SMG6: variants seen among roughly 807,000 people sequenced by gnomAD.
The protein encoded by SMG6 is telomerase-binding protein EST1A.
Under a neutral mutation model 142.2 loss-of-function variants are expected in SMG6, and 66 were observed. The ratio of observed to expected loss-of-function variants is 0.46; its 90% CI spans 0.38 to 0.57. The LOEUF (loss-of-function observed/expected upper bound fraction) is 0.57. Among genes scored for constraint, SMG6 ranks in the 20% least tolerant of loss-of-function variants. The pLI is 0.00. For synonymous variants in SMG6, 779 were observed against 702.4 expected, an observed-to-expected ratio of 1.11 and a Z score of -1.72; for missense variants, 1,793 against 1,832.0, an observed-to-expected ratio of 0.98 and a Z score of 0.39.
chr17:2,254,890 C>T (rs1440352236), intron 8 of SMG6, among the ~76,000 whole-genome samples: 4 of 152,152 alleles, frequency 2.6e-5, no homozygotes, highest in Non-Finnish European at 4.4e-5. Context: ...CCAGAGATAT[C>T]CTCTCAGAGG....
chr17:2,236,840 G>A (rs2073675125), intron 9 of SMG6: 3 of 1,286,076 alleles, frequency 2.3e-6, no homozygotes, highest in South Asian at 2.7e-5. Flanking sequence ...AGATAAAGGA[G>A]TTTTCAGGGT....
At chr17:2,099,099 A>G (rs1344823447) in intron 13 of SMG6, among the ~76,000 whole-genome samples, 1 of 152,156 alleles carries the variant, frequency 6.6e-6, no homozygotes, top group Non-Finnish European at 1.5e-5. Context: ...AACATGCACT[A>G]TGGATACCTG....
chr17:2,251,166 C>T (rs1318402363), intron 8 of SMG6, among the ~76,000 whole-genome samples: 3 of 147,526 alleles, frequency 2.0e-5, no homozygotes, highest in Admixed American at 6.8e-5. Flanking sequence ...GGGCCTGGTA[C>T]AAAAAATGTG....
chr17:2,100,936 G>A (rs1426868018), intron 13 of SMG6, among the ~76,000 whole-genome samples: 6 of 152,104 alleles, frequency 3.9e-5, no homozygotes, highest in Admixed American at 3.9e-4. Context: ...ACAGGTGTGG[G>A]CCACAGCACC....
chr17:2,287,328 A>C (rs1231715086), intron 6 of SMG6, among the ~76,000 whole-genome samples: 1 of 152,212 alleles, frequency 6.6e-6, no homozygotes, highest in Admixed American at 6.5e-5. Flanking sequence ...GGGAAACATA[A>C]ATTAAAACCA....
rs142278642 is a variant in SMG6 at position 2,172,478 on chromosome 17, G to C, written c.3357+180C>G. Among the ~76,000 whole-genome samples the C allele has an allele frequency of 1.8e-4, 27 of 151,926 alleles. No individual in the cohort carries two copies. In the East Asian group the frequency reaches 4.6e-3, roughly 26 times the overall value. On this transcript the variant is annotated intron_variant, in intron 13 of 18. Transcript: ENST00000263073. Reference sequence around the variant, plus strand: ...ACACACACCAAAGGAAGTCGAGAGGGCTTTTTTTTTTCAGGACACAGAGCT... The same window carrying C: ...ACACACACCAAAGGAAGTCGAGAGGCCTTTTTTTTTTCAGGACACAGAGCT...
intron 4 of SMG6, among the ~76,000 whole-genome samples, chr17:2,296,407 G>A (rs1223241126): frequency 2.0e-5 from 3 of 152,112 alleles, no homozygotes; most frequent in Admixed American, 6.6e-5. Context: ...ACCAGGCTAC[G>A]TTAGATTCAC....
intron 10 of SMG6, among the ~76,000 whole-genome samples, chr17:2,203,220 T>C (rs1339635886): frequency 6.6e-6 from 1 of 152,214 alleles, no homozygotes; most frequent in African/African-American, 2.4e-5. Flanking sequence ...CATTTCCACC[T>C]TAGTTGTGTC....
At chr17:2,250,353 T>G (rs1201171305) in intron 8 of SMG6, among the ~76,000 whole-genome samples, 1 of 152,188 alleles carries the variant, frequency 6.6e-6, no homozygotes, top group South Asian at 2.1e-4. Flanking sequence ...TAAATTATTA[T>G]TCTCTTATCT....
chr17:2,072,742 T>G (rs1437334166), intron 15 of SMG6: 1 of 152,198 alleles, frequency 6.6e-6, no homozygotes, highest in African/African-American at 2.4e-5. Flanking sequence ...GTCTTCCTTC[T>G]GCTTAGGGGC....
At chr17:2,286,326 CG>C (rs1468832985) in intron 6 of SMG6, among the ~76,000 whole-genome samples, 2 of 116,110 alleles carry the variant, frequency 1.7e-5, no homozygotes, top group Non-Finnish European at 3.6e-5. Context: ...AAAAAAAAAA[CG>C]AAGTTAGGGG....
intron 13 of SMG6, among the ~76,000 whole-genome samples, chr17:2,121,520 A>G (rs2069688050): frequency 6.7e-6 from 1 of 150,094 alleles, no homozygotes; most frequent in South Asian, 2.1e-4. Flanking sequence ...ATAAGGGATT[A>G]TAATATAATT....
At chr17:2,223,571 C>T (rs954892095) in intron 10 of SMG6, among the ~76,000 whole-genome samples, 1 of 152,184 alleles carries the variant, frequency 6.6e-6, no homozygotes, top group South Asian at 2.1e-4. Flanking sequence ...CAGCAAGGTT[C>T]ACCAGATATA....
At position 2,292,453 on chromosome 17, in the gene SMG6, G is replaced by A. The variant is rs2075058905; in HGVS notation, c.2337+99C>T. On this transcript the variant is annotated intron_variant, in intron 6 of 18. Transcript: ENST00000263073. ...GAGGGGATATTCTTTGGGCTACAGT[G>A]ATGAGATGAAATGAAGCTCCAGGAA... is the stretch of plus-strand genomic sequence containing the variant. The A allele has an allele frequency of 4.3e-6, 5 of 1,166,484 alleles. No homozygotes were observed. In the East Asian group the frequency reaches 9.4e-5, roughly 22 times the overall value. 72.3% of individuals were successfully genotyped at this position (1,166,484 alleles called of 1,614,324 possible).
intron 8 of SMG6, chr17:2,256,229 G>C (rs1355722351): frequency 6.6e-6 from 1 of 152,356 alleles, no homozygotes; most frequent in Non-Finnish European, 1.5e-5. Context: ...AGAAAACTTA[G>C]GGTTTTTTTG....
intron 6 of SMG6, among the ~76,000 whole-genome samples, chr17:2,287,893 G>A (rs1204035315): frequency 1.3e-5 from 2 of 152,176 alleles, no homozygotes; most frequent in Non-Finnish European, 2.9e-5. Context: ...AGAGGTTGTG[G>A]GAAGAGAGAA....
At chr17:2,232,048 T>TATAAAACATTTTTG (rs1348969906) in intron 10 of SMG6, among the ~76,000 whole-genome samples, 1 of 150,874 alleles carries the variant, frequency 6.6e-6, no homozygotes, top group East Asian at 1.9e-4. Flanking sequence ...TTCCAGGAAT[T>TATAAAACATTTTTG]ATAAAACATT....
At chr17:2,200,794 C>G (rs1228100426) in intron 10 of SMG6, among the ~76,000 whole-genome samples, 1 of 152,146 alleles carries the variant, frequency 6.6e-6, no homozygotes, top group African/African-American at 2.4e-5. Context: ...ACTGTAGCCT[C>G]AACTTTCCAG....
intron 10 of SMG6, among the ~76,000 whole-genome samples, chr17:2,211,668 A>T (rs2072868579): frequency 1.4e-5 from 1 of 71,208 alleles, no homozygotes; most frequent in Non-Finnish European, 3.5e-5. Flanking sequence ...CATCTAATTA[A>T]AAAAAAAAAA....
Sources: allele counts gnomAD v4.1 joint callset (sites outside exome capture counted in the v4.1 genomes callset), GRCh38; gene constraint gnomAD v4.1.1; transcripts MANE v1.5; gene names NCBI Gene and HGNC (gene_info 2026-07-23, HGNC 2026-07-21).